Variants in EYS observed in about 807,000 individuals in gnomAD.
EYS encodes EGF-like photoreceptor maintenance factor.
A neutral mutation model predicts 282.1 loss-of-function variants in EYS; 250 were observed. The observed-to-expected ratio is 0.89, with a 90% CI of 0.80 to 0.98. The LOEUF is 0.98. Ranked by LOEUF, EYS falls within the 50% of genes least tolerant of loss-of-function variation. The pLI, the probability that EYS is intolerant of heterozygous loss-of-function variation, is 0.00. For synonymous variants in EYS, 1,355 were observed against 1,282.9 expected, an observed-to-expected ratio of 1.06 and a Z score of -1.20; for missense variants, 4,016 against 3,709.0, an observed-to-expected ratio of 1.08 and a Z score of -2.15.
At chr6:64,239,930 A>G (rs1766743324) in intron 30 of EYS, among the ~76,000 whole-genome samples, 1 of 152,158 alleles carries the variant, frequency 6.6e-6, no homozygotes, top group African/African-American at 2.4e-5. Flanking sequence ...TTAATTTTGT[A>G]TAAGGCGTAA....
intron 12 of EYS, among the ~76,000 whole-genome samples, chr6:65,226,915 A>G (rs1766640617): frequency 1.3e-5 from 2 of 152,182 alleles, no homozygotes; most frequent in Non-Finnish European, 2.9e-5. Flanking sequence ...GGCATAACAA[A>G]CAATGGAATA....
intron 14 of EYS, among the ~76,000 whole-genome samples, chr6:64,956,770 G>C (rs1429273311): frequency 6.6e-6 from 1 of 151,908 alleles, no homozygotes; most frequent in African/African-American, 2.4e-5. Flanking sequence ...CAATAAATGG[G>C]CAAAAAATTT....
chr6:64,102,056 C>T (rs760334938), intron 31 of EYS, among the ~76,000 whole-genome samples: 4 of 152,046 alleles, frequency 2.6e-5, no homozygotes, highest in Non-Finnish European at 5.9e-5. Flanking sequence ...TTCGCTGGAT[C>T]ACCCACCACT....
chr6:65,229,105 G>A (rs73441385), intron 12 of EYS, among the ~76,000 whole-genome samples: 4,955 of 151,958 alleles, frequency 0.033, 108 homozygotes, highest in African/African-American at 0.057. Context: ...GAAAAACCAA[G>A]ACAACACAAT....
intron 2 of EYS, among the ~76,000 whole-genome samples, chr6:65,515,460 T>C (rs1767088855): frequency 6.6e-6 from 1 of 151,458 alleles, no homozygotes; most frequent in Non-Finnish European, 1.5e-5. Flanking sequence ...CAAAGGACTA[T>C]AAATCATGCT....
At chr6:64,895,435 A>C (rs1767429927) in intron 18 of EYS, among the ~76,000 whole-genome samples, 1 of 152,218 alleles carries the variant, frequency 6.6e-6, no homozygotes, top group African/African-American at 2.4e-5. Flanking sequence ...ATGAAATTCC[A>C]ATCAAAATTG....
intron 22 of EYS, among the ~76,000 whole-genome samples, chr6:64,766,127 C>A (rs1473212852): frequency 6.6e-6 from 1 of 151,094 alleles, no homozygotes; most frequent in Non-Finnish European, 1.5e-5. Flanking sequence ...GGGGTTTCAC[C>A]ATATTGGCCA....
intron 29 of EYS, among the ~76,000 whole-genome samples, chr6:64,346,748 A>G (rs1771417830): frequency 6.6e-6 from 1 of 151,368 alleles, no homozygotes; most frequent in Non-Finnish European, 1.5e-5. Context: ...TTTTCAGTCA[A>G]TAGATGTGGG....
chr6:65,313,090 A>G (rs553155110), intron 11 of EYS, among the ~76,000 whole-genome samples: 1 of 152,280 alleles, frequency 6.6e-6, no homozygotes, highest in Non-Finnish European at 1.5e-5. Flanking sequence ...CTTAAAGAGC[A>G]TCTTGAACCC....
At chr6:64,064,187 T>G (rs1166825859) in intron 33 of EYS, among the ~76,000 whole-genome samples, 4 of 152,216 alleles carry the variant, frequency 2.6e-5, no homozygotes, top group Admixed American at 6.5e-5. Flanking sequence ...GTGTGTCTAC[T>G]TGTCAGTCAC....
At chr6:65,477,312 T>C (rs768151501) in intron 5 of EYS, among the ~76,000 whole-genome samples, 1 of 152,218 alleles carries the variant, frequency 6.6e-6, no homozygotes, top group Non-Finnish European at 1.5e-5. Flanking sequence ...GAGATGTTTC[T>C]ACATGGAGTT....
chr6:64,409,177 T>G (rs1303158883), intron 28 of EYS, among the ~76,000 whole-genome samples: 1 of 152,212 alleles, frequency 6.6e-6, no homozygotes, highest in African/African-American at 2.4e-5. Flanking sequence ...GCACCACACT[T>G]TCTTTATCCA....
chr6:64,528,549 T>A (rs1054936171), intron 26 of EYS, among the ~76,000 whole-genome samples: 3 of 152,006 alleles, frequency 2.0e-5, no homozygotes, highest in African/African-American at 7.2e-5. Context: ...TTGAATCTTT[T>A]ATCTTAATTT....
intron 26 of EYS, among the ~76,000 whole-genome samples, chr6:64,540,532 G>C (rs1251937686): frequency 2.0e-5 from 3 of 146,404 alleles, no homozygotes; most frequent in African/African-American, 7.7e-5. Flanking sequence ...ACCCAGGCTG[G>C]AGTGCAGTGA....
At chr6:65,012,954 T>C (rs1482631470) in intron 13 of EYS, among the ~76,000 whole-genome samples, 1 of 152,136 alleles carries the variant, frequency 6.6e-6, no homozygotes, top group African/African-American at 2.4e-5. Flanking sequence ...AAACAAGATC[T>C]TTTTCTGAAA....
At chr6:64,210,410 G>A (rs373141057) in intron 31 of EYS, among the ~76,000 whole-genome samples, 1 of 152,018 alleles carries the variant, frequency 6.6e-6, no homozygotes, top group Non-Finnish European at 1.5e-5. Context: ...GTCCTCTCAT[G>A]GTTTTCTCTG....
chr6:63,888,625 T>G (rs901350016), intron 35 of EYS, among the ~76,000 whole-genome samples: 6 of 151,780 alleles, frequency 4.0e-5, no homozygotes, highest in African/African-American at 1.4e-4. Flanking sequence ...ATGCAAAAAC[T>G]CCATCCAAAG....
chr6:65,198,238 G>A (rs535213449), intron 12 of EYS, among the ~76,000 whole-genome samples: 1 of 152,118 alleles, frequency 6.6e-6, no homozygotes, highest in South Asian at 2.1e-4. Flanking sequence ...GGTGTGCAGG[G>A]GCAGTAACAT....
chr6:65,216,362 T>C (rs913594786), intron 12 of EYS, among the ~76,000 whole-genome samples: 56 of 152,150 alleles, frequency 3.7e-4, no homozygotes, highest in African/African-American at 1.3e-3. Context: ...TTATTTATAG[T>C]GTGAATATAT....
Sources: allele counts gnomAD v4.1 joint callset (sites outside exome capture counted in the v4.1 genomes callset), GRCh38; gene constraint gnomAD v4.1.1; transcripts MANE v1.5; gene names NCBI Gene and HGNC (gene_info 2026-07-23, HGNC 2026-07-21).